Variants in XYLT1 observed in about 807,000 individuals in gnomAD.
The protein encoded by XYLT1 is beta-D-xylosyltransferase 1.
XYLT1 carries 36 observed loss-of-function variants against 91.3 expected under a neutral mutation model. That is an observed-to-expected ratio of 0.39 (90% CI 0.30 to 0.52). The LOEUF (loss-of-function observed/expected upper bound fraction) is 0.52. Ranked by LOEUF, XYLT1 falls within the 20% of genes least tolerant of loss-of-function variation. The pLI, the probability that XYLT1 is intolerant of heterozygous loss-of-function variation, is 0.68. For missense variants in XYLT1, 1,242 were observed against 1,284.5 expected (o/e 0.97, Z 0.51); for synonymous variants, 588 against 532.0 (o/e 1.11, Z -1.45).
intron 1 of XYLT1, among the ~76,000 whole-genome samples, chr16:17,455,515 C>A (rs1596555209): frequency 6.6e-6 from 1 of 151,922 alleles, no homozygotes; most frequent in East Asian, 1.9e-4. Flanking sequence ...CTCTGGGAGG[C>A]CTAGGTGGGC....
chr16:17,111,256 C>T (rs923266768), intron 11 of XYLT1, among the ~76,000 whole-genome samples: 36 of 152,070 alleles, frequency 2.4e-4, no homozygotes, highest in Admixed American at 2.0e-4. Context: ...CAGGGCTGCA[C>T]GATGAGGAAT....
At chr16:17,128,121 C>T (rs1010088480) in intron 9 of XYLT1, among the ~76,000 whole-genome samples, 5 of 152,186 alleles carry the variant, frequency 3.3e-5, no homozygotes, top group African/African-American at 7.2e-5. Flanking sequence ...TCTTCCCATA[C>T]ATAATGTCCA....
chr16:17,405,261 GC>G (rs1390284042), intron 1 of XYLT1, among the ~76,000 whole-genome samples: 1 of 152,168 alleles, frequency 6.6e-6, no homozygotes, highest in Admixed American at 6.5e-5. Context: ...GTCCGCTCCA[GC>G]CCTCATTTTC....
At chr16:17,130,644 C>T (rs927159894) in intron 9 of XYLT1, among the ~76,000 whole-genome samples, 1 of 152,068 alleles carries the variant, frequency 6.6e-6, no homozygotes, top group Non-Finnish European at 1.5e-5. Context: ...TGGCCCCTTC[C>T]ATCCTCTATT....
intron 1 of XYLT1, among the ~76,000 whole-genome samples, chr16:17,434,435 T>C (rs1190196635): frequency 3.3e-5 from 5 of 152,280 alleles, no homozygotes; most frequent in African/African-American, 1.2e-4. Flanking sequence ...TATGCAATGA[T>C]GAAGATGCAT....
At position 17,117,651 on chromosome 16, in the gene XYLT1, T is replaced by G; in HGVS notation, c.2552A>C (p.Lys851Thr). 6.2e-7 allele frequency: 1 copy of G among 1,611,406 alleles called. No individual in the cohort carries two copies. Residue 851 changes from lysine to threonine, a missense_variant, in exon 11 of 12, where the codon AAA becomes ACA. By Grantham distance (78) the Lys-to-Thr change is moderately conservative. Transcript: ENST00000261381. ...PLTFSNRQPI[K>T]PEEALKLHNG... is the part of the protein sequence containing the mutation. Reference sequence around the variant, plus strand: ...TAGACACTGGGAGTACTTACCAGGTTTGATGGGCTGCCTGTTCGAGAAGGT... The same window carrying G: ...TAGACACTGGGAGTACTTACCAGGTGTGATGGGCTGCCTGTTCGAGAAGGT...
chr16:17,158,732 C>T (rs1310465047), intron 6 of XYLT1, 97 bp downstream of exon 6: 1 of 1,363,904 alleles, frequency 7.3e-7, no homozygotes, highest in African/African-American at 1.4e-5. Flanking sequence ...CACCCTCAAC[C>T]TTTCTGTGGC....
chr16:17,404,107 G>T (rs916799938), intron 1 of XYLT1, among the ~76,000 whole-genome samples: 27 of 152,138 alleles, frequency 1.8e-4, no homozygotes, highest in Admixed American at 1.2e-3. Context: ...GGTTGGGGGG[G>T]GGGCTCAGGG....
intron 2 of XYLT1, among the ~76,000 whole-genome samples, chr16:17,303,802 C>T (rs1036642263): frequency 6.6e-6 from 1 of 152,172 alleles, no homozygotes; most frequent in African/African-American, 2.4e-5. Flanking sequence ...AGGCATTTGA[C>T]CACATTCTCC....
At chr16:17,427,198 T>C (rs2036329813) in intron 1 of XYLT1, among the ~76,000 whole-genome samples, 1 of 152,242 alleles carries the variant, frequency 6.6e-6, no homozygotes, top group South Asian at 2.1e-4. Context: ...GAAGGGACGA[T>C]AGCACCACCA....
chr16:17,138,919 G>A (rs966575663), intron 7 of XYLT1, among the ~76,000 whole-genome samples: 2 of 152,186 alleles, frequency 1.3e-5, no homozygotes, highest in Admixed American at 1.3e-4. Context: ...ACTGACTGGT[G>A]TGCTGGAATT....
chr16:17,163,210 C>T (rs2031594280), intron 5 of XYLT1, among the ~76,000 whole-genome samples: 1 of 152,188 alleles, frequency 6.6e-6, no homozygotes, highest in African/African-American at 2.4e-5. Context: ...GGGGATTTGT[C>T]CAAGGTCCCT....
At chr16:17,224,173 C>T (rs2033022587) in intron 3 of XYLT1, among the ~76,000 whole-genome samples, 1 of 152,170 alleles carries the variant, frequency 6.6e-6, no homozygotes, top group Non-Finnish European at 1.5e-5. Flanking sequence ...GTATATTGGT[C>T]ATCTAGGAGC....
intron 3 of XYLT1, among the ~76,000 whole-genome samples, chr16:17,201,288 G>A (rs2032536787): frequency 6.6e-6 from 1 of 152,052 alleles, no homozygotes; most frequent in South Asian, 2.1e-4. Context: ...AGTCCATATG[G>A]GTGGGGAAGA....
intron 1 of XYLT1, among the ~76,000 whole-genome samples, chr16:17,394,825 TA>T (rs2035863282): frequency 6.6e-6 from 1 of 152,264 alleles, no homozygotes; most frequent in Non-Finnish European, 1.5e-5. Flanking sequence ...ACAGAGTATA[TA>T]AAGCATTTGT....
At chr16:17,436,037 T>C (rs2036455038) in intron 1 of XYLT1, among the ~76,000 whole-genome samples, 1 of 152,164 alleles carries the variant, frequency 6.6e-6, no homozygotes, top group Non-Finnish European at 1.5e-5. Context: ...TCCCCCATCC[T>C]GTTCTCATGG....
intron 10 of XYLT1, among the ~76,000 whole-genome samples, chr16:17,118,302 G>GAATGAATGAATC: frequency 6.6e-6 from 1 of 152,110 alleles, no homozygotes; most frequent in African/African-American, 2.4e-5. Context: ...ATGAATGAAT[G>GAATGAATGAATC]AATGCATGTC....
chr16:17,445,080 A>T (rs1196386749), intron 1 of XYLT1, among the ~76,000 whole-genome samples: 2 of 152,104 alleles, frequency 1.3e-5, no homozygotes, highest in African/African-American at 4.8e-5. Context: ...GCTCACTACA[A>T]CCTTTGCCTC....
chr16:17,407,291 G>A (rs906424709), intron 1 of XYLT1, among the ~76,000 whole-genome samples: 6 of 152,174 alleles, frequency 3.9e-5, no homozygotes, highest in Non-Finnish European at 5.9e-5. Context: ...GAGCCACTGC[G>A]TCCAGCCTAT....
Sources: allele counts gnomAD v4.1 joint callset (sites outside exome capture counted in the v4.1 genomes callset), GRCh38; gene constraint gnomAD v4.1.1; transcripts MANE v1.5; gene names NCBI Gene and HGNC (gene_info 2026-07-23, HGNC 2026-07-21).